Variants in ANK2 observed in about 807,000 individuals in gnomAD.
ANK2 encodes ankyrin 2.
A neutral mutation model predicts 360.5 loss-of-function variants in ANK2; 83 were observed. The ratio of observed to expected loss-of-function variants is 0.23; its 90% CI spans 0.19 to 0.28. The LOEUF is 0.28. Ranked by LOEUF, ANK2 falls within the 10% of genes least tolerant of loss-of-function variation. The pLI is 1.00. For missense variants in ANK2, 4,201 were observed against 4,795.7 expected (o/e 0.88, Z 3.66); for synonymous variants, 1,740 against 1,759.5 (o/e 0.99, Z 0.28).
intron 1 of ANK2, 125 bp downstream of exon 1, chr4:113,049,937 C>A: frequency 1.6e-6 from 2 of 1,224,914 alleles, no homozygotes; most frequent in Non-Finnish European, 2.3e-6. Context: ...GATAACAGTG[C>A]CAAGCCTTGC....
chr4:112,907,442 T>C (rs554695669), intron 2 of ANK2, among the ~76,000 whole-genome samples: 3 of 152,218 alleles, frequency 2.0e-5, no homozygotes, highest in Non-Finnish European at 2.9e-5. Flanking sequence ...AGAACTATTC[T>C]GATTACAGTG....
At chr4:113,278,702 T>G (rs572155049) in intron 17 of ANK2, 144 bp downstream of exon 17, 10 of 798,598 alleles carry the variant, frequency 1.3e-5, no homozygotes, top group African/African-American at 1.7e-5. Context: ...CCCTTTTTTT[T>G]CCCTTGTATT....
At position 112,905,223 on chromosome 4, in the gene ANK2, A is replaced by G. The variant is rs546017037; in HGVS notation, c.21+709A>G. 7.2e-5 allele frequency among the ~76,000 whole-genome samples: 11 copies of G among 152,362 alleles called. No individual in the cohort carries two copies. The East Asian group carries it at 2.1e-3, about 29-fold the overall frequency. On this transcript the variant is annotated intron_variant, in intron 2 of 30. Transcript: ENST00000503271. ...TCATTTGGTTACAGAGGAAACAATT[A>G]CATGGTGAACTATTAGATGAGTTGT...
chr4:113,336,137 C>A, intron 30 of ANK2, 80 bp downstream of exon 30: 1 of 1,442,486 alleles, frequency 6.9e-7, no homozygotes, highest in Admixed American at 1.8e-5. Context: ...AGGACTGTTA[C>A]CTTTGTTTTA....
At chr4:113,123,160 C>A (rs188392411) in intron 1 of ANK2, among the ~76,000 whole-genome samples, 11 of 151,642 alleles carry the variant, frequency 7.3e-5, no homozygotes, top group African/African-American at 2.4e-4. Flanking sequence ...AATTTTTTTC[C>A]TATTTTATTA....
At chr4:113,132,645 G>A (rs779537714) in intron 1 of ANK2, among the ~76,000 whole-genome samples, 5 of 152,072 alleles carry the variant, frequency 3.3e-5, no homozygotes, top group African/African-American at 7.2e-5. Context: ...ATCTGTGGGT[G>A]GGGTGAAGAG....
intron 34 of ANK2, 76 bp from the exon 35 acceptor site, chr4:113,345,824 C>T: frequency 1.9e-6 from 3 of 1,579,446 alleles, no homozygotes; most frequent in South Asian, 1.1e-5. Context: ...TTACTTTTCC[C>T]TTTCAAGCAT....
At chr4:113,225,601 G>A (rs1170109195) in intron 4 of ANK2, among the ~76,000 whole-genome samples, 1 of 152,126 alleles carries the variant, frequency 6.6e-6, no homozygotes, top group Admixed American at 6.6e-5. Flanking sequence ...AATGCTTAGA[G>A]TTGAAGTTCT....
intron 1 of ANK2, among the ~76,000 whole-genome samples, chr4:113,113,062 AC>A (rs1458541203): frequency 6.6e-6 from 1 of 152,176 alleles, no homozygotes; most frequent in Non-Finnish European, 1.5e-5. Context: ...GCTTTTCCTT[AC>A]CTCGATCACT....
chr4:113,042,080 C>T (rs776918779), intron 2 of ANK2, among the ~76,000 whole-genome samples: 4 of 152,154 alleles, frequency 2.6e-5, no homozygotes, highest in Non-Finnish European at 4.4e-5. Flanking sequence ...TTGAATCAGT[C>T]AACTGAGTAA....
chr4:113,089,808 G>T (rs1469936788), intron 1 of ANK2, among the ~76,000 whole-genome samples: 1 of 151,744 alleles, frequency 6.6e-6, no homozygotes, highest in East Asian at 1.9e-4. Flanking sequence ...TAGGTAACAA[G>T]AGCGAATCTC....
At chr4:113,365,678 T>TC (rs1554583058) in intron 41 of ANK2, among the ~76,000 whole-genome samples, 5 of 149,926 alleles carry the variant, frequency 3.3e-5, no homozygotes, top group South Asian at 2.1e-4. Flanking sequence ...GTTTTTTTTT[T>TC]TCTCTCTCTC....
In ANK2 at chr4:113,355,493, G is replaced by A. The variant is rs1350377647; in HGVS notation, c.6875G>A (p.Arg2292Gln). Residue 2292 changes from arginine to glutamine, a missense_variant, in exon 38 of 46, where the codon CGA becomes CAA. By Grantham distance (43) the Arg-to-Gln change is conservative. Around this residue, in one of 4 missense-constraint regions of ANK2, gnomAD observed 2,642 missense variants for 2,714.5 expected, o/e 0.97. Coordinates refer to ENST00000357077, the MANE Select transcript of ANK2 (RefSeq NM_001148.6). ...GACATTACTGGTGGCTCTGAAGAGCGAGGTGCCACAGTCACTGAGGACTCA... is the reference window on the plus strand; with the variant it reads ...GACATTACTGGTGGCTCTGAAGAGCAAGGTGCCACAGTCACTGAGGACTCA... ...TKDITGGSEERGATVTEDSET... is the reference protein window; with the variant it reads ...TKDITGGSEEQGATVTEDSET... 9 of 1,613,896 alleles carry A rather than the reference G, an allele frequency of 5.6e-6. No homozygotes were observed. The highest frequency in any genetic ancestry group is 2.7e-5 in the African/African-American group (2 of 74,912).
At chr4:113,252,276 C>T (rs530571326) in intron 10 of ANK2, among the ~76,000 whole-genome samples, 1 of 152,254 alleles carries the variant, frequency 6.6e-6, no homozygotes, top group East Asian at 1.9e-4. Context: ...CAGTTATCTC[C>T]CACTGGGTCC....
chr4:113,096,874 C>T (rs1405997883), intron 1 of ANK2, among the ~76,000 whole-genome samples: 1 of 151,846 alleles, frequency 6.6e-6, no homozygotes, highest in African/African-American at 2.4e-5. Flanking sequence ...TCTACCAGTC[C>T]ACACAATTTG....
chr4:113,231,795 G>T (rs928216512), intron 4 of ANK2, among the ~76,000 whole-genome samples: 2 of 151,826 alleles, frequency 1.3e-5, no homozygotes, highest in Non-Finnish European at 2.9e-5. Context: ...GTAGAGATGC[G>T]GTTTCACCAT....
the ANK2 span, among the ~76,000 whole-genome samples, chr4:112,736,598 C>T: frequency 6.6e-6 from 1 of 152,146 alleles, no homozygotes; most frequent in Non-Finnish European, 1.5e-5. Flanking sequence ...TTTCATTCCC[C>T]TTCACAATGG....
At chr4:113,177,641 T>A (rs960799204) in intron 2 of ANK2, among the ~76,000 whole-genome samples, 2 of 152,242 alleles carry the variant, frequency 1.3e-5, no homozygotes, top group Non-Finnish European at 2.9e-5. Context: ...CTCTCAACAG[T>A]AAATACTCAA....
intron 2 of ANK2, among the ~76,000 whole-genome samples, chr4:113,176,616 TTTTTATTTTA>T (rs1306651190): frequency 6.6e-6 from 1 of 151,930 alleles, no homozygotes; most frequent in Non-Finnish European, 1.5e-5. Flanking sequence ...TATTTATTTA[TTTTTATTTTA>T]TTTTATTTTA....
Sources: allele counts gnomAD v4.1 joint callset (sites outside exome capture counted in the v4.1 genomes callset), GRCh38; gene constraint gnomAD v4.1.1; regional missense constraint gnomAD v4.1.1; transcripts MANE v1.5; gene names NCBI Gene and HGNC (gene_info 2026-07-23, HGNC 2026-07-21).